NRP1: variants seen among roughly 807,000 people sequenced by gnomAD.
The protein encoded by NRP1 is neuropilin-1.
A neutral mutation model predicts 106.7 loss-of-function variants in NRP1; 35 were observed. The ratio of observed to expected loss-of-function variants is 0.33; its 90% CI spans 0.25 to 0.43. NRP1 has a LOEUF of 0.43. Among genes scored for constraint, NRP1 ranks in the 20% least tolerant of loss-of-function variants. The probability of loss-of-function intolerance (pLI) is 1.00; values close to 1 mark genes in which losing one functional copy is unlikely to be tolerated. For missense variants in NRP1, 1,024 were observed against 1,170.4 expected, an observed-to-expected ratio of 0.87 and a Z score of 1.83; for synonymous variants, 437 against 417.9, an observed-to-expected ratio of 1.05 and a Z score of -0.56.
Position 33,294,716 on chromosome 10 carries a change from G to A in NRP1, c.249-23860C>T, listed in dbSNP as rs936731645. On this transcript the variant is annotated intron_variant, in intron 2 of 16. Coordinates refer to ENST00000374867, the MANE Select transcript of NRP1 (RefSeq NM_003873.7). Reference sequence around the variant, plus strand: ...TCAAAGTTAATGAGGAAGATAAGAAGGAAAATGCCATTTTTGTGAAACCCT... The same window carrying A: ...TCAAAGTTAATGAGGAAGATAAGAAAGAAAATGCCATTTTTGTGAAACCCT... Among the ~76,000 whole-genome samples the A allele has an allele frequency of 2.2e-4, 34 of 152,040 alleles. 1 individual carries two copies. The highest frequency in any genetic ancestry group is 1.5e-5 in the Non-Finnish European group (1 of 68,020).
At chr10:33,241,323 C>A (rs1200554308) in intron 6 of NRP1, among the ~76,000 whole-genome samples, 3 of 152,144 alleles carry the variant, frequency 2.0e-5, no homozygotes, top group Non-Finnish European at 4.4e-5. Context: ...GGACAGAACT[C>A]AAATTCTTTT....
At chr10:33,302,839 T>A (rs12252214) in intron 2 of NRP1, among the ~76,000 whole-genome samples, 38,201 of 151,962 alleles carry the variant, frequency 0.25, 5,566 homozygotes, top group African/African-American at 0.4. Context: ...ACCAAAAAAG[T>A]TTAGTTTTAT....
chr10:33,224,733 C>T (rs1280152275), intron 7 of NRP1, among the ~76,000 whole-genome samples: 2 of 152,074 alleles, frequency 1.3e-5, no homozygotes, highest in East Asian at 1.9e-4. Flanking sequence ...ACCCCGCTAC[C>T]GACAAGTCCC....
intron 7 of NRP1, among the ~76,000 whole-genome samples, chr10:33,225,045 C>T (rs1022452475): frequency 1.3e-5 from 2 of 152,148 alleles, no homozygotes; most frequent in Non-Finnish European, 1.5e-5. Flanking sequence ...TCTCCATGAG[C>T]GTTGACTAGG....
intron 11 of NRP1, among the ~76,000 whole-genome samples, chr10:33,200,237 C>T (rs1433861720): frequency 6.6e-6 from 1 of 152,182 alleles, no homozygotes; most frequent in Non-Finnish European, 1.5e-5. Flanking sequence ...GAGGCAAATT[C>T]CACGGTTGGG....
intron 1 of NRP1, 91 bp downstream of exon 1, chr10:33,334,219 G>A (rs973035412): frequency 8.4e-7 from 1 of 1,196,176 alleles, no homozygotes; most frequent in Non-Finnish European, 1.2e-6. Flanking sequence ...GTTCCCGGCT[G>A]ATCCCGGGAA....
chr10:33,284,276 C>A (rs1216106141), intron 2 of NRP1, among the ~76,000 whole-genome samples: 1 of 152,120 alleles, frequency 6.6e-6, no homozygotes, highest in African/African-American at 2.4e-5. Context: ...TATATTTAAG[C>A]AGCTTAATGT....
chr10:33,264,106 TCTG>T (rs1291523036), intron 3 of NRP1, among the ~76,000 whole-genome samples: 1 of 152,222 alleles, frequency 6.6e-6, no homozygotes, highest in African/African-American at 2.4e-5. Flanking sequence ...TTTAAAGACT[TCTG>T]CTGTTGCAGG....
At chr10:33,201,528 T>C in intron 11 of NRP1, 1 of 152,202 alleles carries the variant, frequency 6.6e-6, no homozygotes, top group Non-Finnish European at 1.5e-5. Context: ...CCAGAGGACT[T>C]GGTTCATGGA....
At chr10:33,299,409 C>CAAA (rs1845642082) in intron 2 of NRP1, among the ~76,000 whole-genome samples, 1 of 152,190 alleles carries the variant, frequency 6.6e-6, no homozygotes, top group African/African-American at 2.4e-5. Context: ...GCCTCTGATC[C>CAAA]TTGCCTGACA....
intron 2 of NRP1, among the ~76,000 whole-genome samples, chr10:33,291,701 A>C (rs1457168115): frequency 6.6e-6 from 1 of 152,256 alleles, no homozygotes; most frequent in Non-Finnish European, 1.5e-5. Context: ...TTGTAAATGA[A>C]CATTTAAAAC....
intron 2 of NRP1, among the ~76,000 whole-genome samples, chr10:33,291,916 T>C (rs1261580817): frequency 6.6e-6 from 1 of 152,208 alleles, no homozygotes; most frequent in Non-Finnish European, 1.5e-5. Flanking sequence ...TTTCATTTTG[T>C]TTTTTGAGGC....
chr10:33,283,283 A>G (rs1001724066), intron 2 of NRP1, among the ~76,000 whole-genome samples: 1 of 152,192 alleles, frequency 6.6e-6, no homozygotes, highest in African/African-American at 2.4e-5. Context: ...AAAGTAGCAT[A>G]CTGTTTGCTA....
At chr10:33,291,728 T>G (rs1176183371) in intron 2 of NRP1, among the ~76,000 whole-genome samples, 3 of 152,212 alleles carry the variant, frequency 2.0e-5, no homozygotes, top group Non-Finnish European at 4.4e-5. Flanking sequence ...TGCGAAGTGT[T>G]TTTTGGAAGC....
intron 6 of NRP1, among the ~76,000 whole-genome samples, chr10:33,230,944 A>G (rs1338627012): frequency 6.6e-6 from 1 of 152,166 alleles, no homozygotes; most frequent in Non-Finnish European, 1.5e-5. Flanking sequence ...TCACTGGTGT[A>G]GATGTCTCTG....
At chr10:33,195,702 G>T in intron 12 of NRP1, 1 of 387,300 alleles carries the variant, frequency 2.6e-6, no homozygotes. Flanking sequence ...CATTGACTTA[G>T]CCAGAAGGTG....
Position 33,221,755 on chromosome 10 carries a change from A to T in NRP1, c.1246T>A (p.Ser416Thr). 1 of 1,614,158 alleles carries T rather than the reference A, an allele frequency of 6.2e-7. No homozygotes were observed. Among genetic ancestry groups the T allele is most frequent in the Non-Finnish European group, 8.5e-7 (1 of 1,180,006 alleles). ...IKPATWETGI[S>T]MRFEVYGCKI... ...CAACCGTATACTTCAAATCTCATAG[A>T]TATGCCAGTTTCCCAAGTTGCAGGC... The change falls in exon 8 of 17, where the codon TCT (serine) becomes ACT (threonine). Residue 416 changes from serine to threonine, a missense_variant. By Grantham distance (58) the Ser-to-Thr change is moderately conservative. Coordinates refer to ENST00000374867, the MANE Select transcript of NRP1 (RefSeq NM_003873.7).
At chr10:33,299,563 G>C (rs144830792) in intron 2 of NRP1, among the ~76,000 whole-genome samples, 42 of 152,298 alleles carry the variant, frequency 2.8e-4, no homozygotes, top group African/African-American at 8.4e-4. Context: ...AGGATTGCTT[G>C]CGGCCAGGAG....
chr10:33,219,953 T>C, intron 8 of NRP1, among the ~76,000 whole-genome samples: 1 of 152,218 alleles, frequency 6.6e-6, no homozygotes, highest in Middle Eastern at 3.2e-3. Flanking sequence ...CCTAGAACTT[T>C]CTGTCATCTA....
Sources: allele counts gnomAD v4.1 joint callset (sites outside exome capture counted in the v4.1 genomes callset), GRCh38; gene constraint gnomAD v4.1.1; transcripts MANE v1.5; gene names NCBI Gene and HGNC (gene_info 2026-07-23, HGNC 2026-07-21).